ACYP2: variants seen among roughly 807,000 people sequenced by gnomAD.
ACYP2 encodes the protein acylphosphatase-2.
ACYP2 carries 12 observed loss-of-function variants against 11.2 expected under a neutral mutation model. That is an observed-to-expected ratio of 1.08 (90% CI 0.69 to 1.74). ACYP2 has a LOEUF of 1.74. Ranked by LOEUF, ACYP2 falls within the 40% of genes most tolerant of loss-of-function variation. The pLI is 0.00. For synonymous variants in ACYP2, 43 were observed against 32.2 expected, an observed-to-expected ratio of 1.33 and a Z score of -1.13; for missense variants, 134 against 101.9, an observed-to-expected ratio of 1.31 and a Z score of -1.35.
intron 4 of ACYP2, chr2:54,115,637 C>T: frequency 6.3e-7 from 1 of 1,579,016 alleles, no homozygotes; most frequent in African/African-American, 1.3e-5. Flanking sequence ...CCTCTCGCAG[C>T]CGCCGCAGTC....
At chr2:54,250,456 T>G (rs1431070263) in intron 6 of ACYP2, among the ~76,000 whole-genome samples, 1 of 133,250 alleles carries the variant, frequency 7.5e-6, no homozygotes, top group Non-Finnish European at 1.6e-5. Context: ...CAGAACTCCG[T>G]CTCAGGGCAG....
At chr2:54,296,295 A>G (rs1203843067) in intron 6 of ACYP2, among the ~76,000 whole-genome samples, 1 of 152,214 alleles carries the variant, frequency 6.6e-6, no homozygotes, top group African/African-American at 2.4e-5. Flanking sequence ...TTCCAAAGCA[A>G]TAAATGCGTG....
At chr2:54,243,658 C>G (rs1686825761) in intron 6 of ACYP2, among the ~76,000 whole-genome samples, 1 of 152,144 alleles carries the variant, frequency 6.6e-6, no homozygotes. Flanking sequence ...CAACCTCTGC[C>G]TCCCTGGTTC....
At chr2:54,152,552 C>T (rs1422360270) in intron 6 of ACYP2, among the ~76,000 whole-genome samples, 2 of 152,014 alleles carry the variant, frequency 1.3e-5, no homozygotes, top group Admixed American at 6.6e-5. Flanking sequence ...CTTATTCATC[C>T]CTCCTTCTCT....
rs115310584 is a variant in ACYP2 at position 54,181,736 on chromosome 2, C to T, written c.404+42988C>T. Among the ~76,000 whole-genome samples, 893 of 152,246 alleles carry T rather than the reference C, an allele frequency of 5.9e-3. 9 individuals are homozygous for T. Among genetic ancestry groups the T allele is most frequent in the African/African-American group, 0.02 (851 of 41,558 alleles). ...GTGACCTGATGGTGAATAGAATAAA[C>T]AGTATCCCTGCCTGGTCAGGGTTTA... On this transcript the variant is annotated intron_variant, in intron 6 of 6. Transcript: ENST00000607452.
At chr2:54,052,880 G>A (rs1238331888) in intron 3 of ACYP2, among the ~76,000 whole-genome samples, 1 of 152,214 alleles carries the variant, frequency 6.6e-6, no homozygotes, top group Non-Finnish European at 1.5e-5. Flanking sequence ...AGGTCTGATT[G>A]TATGGAGTGC....
At chr2:54,204,057 C>T (rs570698462) in intron 6 of ACYP2, among the ~76,000 whole-genome samples, 6 of 152,200 alleles carry the variant, frequency 3.9e-5, no homozygotes, top group South Asian at 2.1e-4. Context: ...TGCAGTGGCA[C>T]GATCTCGGCT....
chr2:54,254,734 T>G (rs1572998960), intron 6 of ACYP2: 4 of 592,780 alleles, frequency 6.7e-6, no homozygotes, highest in Middle Eastern at 4.5e-4. Flanking sequence ...GACGACCAGG[T>G]GAAAGGGGAG....
intron 2 of ACYP2, among the ~76,000 whole-genome samples, chr2:54,046,820 T>C (rs1010117534): frequency 6.6e-6 from 1 of 152,192 alleles, no homozygotes; most frequent in African/African-American, 2.4e-5. Context: ...CATTTTGCAA[T>C]GGACCCTTCA....
At chr2:54,253,430 G>C (rs1687332232) in intron 6 of ACYP2, 1 of 152,020 alleles carries the variant, frequency 6.6e-6, no homozygotes, top group Admixed American at 6.5e-5. Flanking sequence ...AACAGAAAGA[G>C]AAAATATTAT....
At chr2:54,152,201 T>C (rs1166785517) in intron 6 of ACYP2, among the ~76,000 whole-genome samples, 3 of 149,188 alleles carry the variant, frequency 2.0e-5, no homozygotes, top group Non-Finnish European at 3.0e-5. Context: ...CACTATAACC[T>C]TGGACTCCTG....
intron 6 of ACYP2, among the ~76,000 whole-genome samples, chr2:54,201,951 G>A (rs530513502): frequency 9.9e-5 from 15 of 151,770 alleles, no homozygotes; most frequent in East Asian, 5.8e-4. Context: ...GAGGTGATCC[G>A]CTTGCCTCGA....
intron 2 of ACYP2, among the ~76,000 whole-genome samples, chr2:54,050,471 C>T (rs1421127791): frequency 6.6e-6 from 1 of 150,830 alleles, no homozygotes; most frequent in Non-Finnish European, 1.5e-5. Context: ...ATCTCTTGAG[C>T]CCAGGAGTTG....
chr2:54,060,328 T>C (rs1011434657), intron 4 of ACYP2, among the ~76,000 whole-genome samples: 1 of 152,130 alleles, frequency 6.6e-6, no homozygotes, highest in Admixed American at 6.5e-5. Flanking sequence ...AATACTTTTA[T>C]TGACTTTTTT....
intron 6 of ACYP2, among the ~76,000 whole-genome samples, chr2:54,201,670 C>CTT (rs1463060609): frequency 9.6e-6 from 1 of 103,666 alleles, no homozygotes; most frequent in Non-Finnish European, 2.0e-5. Flanking sequence ...TTCTTTCTTT[C>CTT]TTTCTTTCTT....
intron 6 of ACYP2, among the ~76,000 whole-genome samples, chr2:54,181,405 A>C (rs941402495): frequency 1.3e-5 from 2 of 152,170 alleles, no homozygotes; most frequent in Admixed American, 6.5e-5. Flanking sequence ...CACCTTGTAT[A>C]AGTTTCTTAA....
chr2:54,190,695 T>C (rs1267393746), intron 6 of ACYP2, among the ~76,000 whole-genome samples: 1 of 152,076 alleles, frequency 6.6e-6, no homozygotes, highest in Non-Finnish European at 1.5e-5. Flanking sequence ...CTTTTCTCCC[T>C]CTACAGTTCC....
At chr2:54,221,945 G>A (rs2695649) in intron 6 of ACYP2, among the ~76,000 whole-genome samples, 85,348 of 151,924 alleles carry the variant, frequency 0.56, 24,167 homozygotes, top group East Asian at 0.67. Context: ...AACCATGGCT[G>A]GCATTTGTTA....
intron 2 of ACYP2, among the ~76,000 whole-genome samples, chr2:53,978,936 A>G (rs1195117502): frequency 6.6e-6 from 1 of 152,180 alleles, no homozygotes; most frequent in African/African-American, 2.4e-5. Context: ...CTTAAAAAAA[A>G]GAGTATAGCA....
Sources: gnomAD v4.1 joint callset for allele counts (sites outside exome capture counted in the v4.1 genomes callset) on GRCh38, gnomAD v4.1.1 for gene constraint, MANE v1.5 for transcripts, NCBI Gene and HGNC (gene_info 2026-07-23, HGNC 2026-07-21) for gene names.